The following PRPSAP1 variants were observed in gnomAD, a reference collection of about 807,000 sequenced individuals.
The protein encoded by PRPSAP1 is phosphoribosyl pyrophosphate synthetase associated protein 1, also known as phosphoribosyl pyrophosphate synthase-associated protein 1.
PRPSAP1 carries 31 observed loss-of-function variants against 39.4 expected under a neutral mutation model. That is an observed-to-expected ratio of 0.79 (90% CI 0.59 to 1.06). PRPSAP1 has a LOEUF of 1.06. PRPSAP1 is among the 50% of genes least tolerant of loss of function. PRPSAP1 has a pLI of 0.00. For synonymous variants in PRPSAP1, 212 were observed against 192.6 expected, an observed-to-expected ratio of 1.10 and a Z score of -0.83; for missense variants, 430 against 511.6, an observed-to-expected ratio of 0.84 and a Z score of 1.54.
intron 3 of PRPSAP1, among the ~76,000 whole-genome samples, chr17:76,342,064 C>T (rs961407864): frequency 2.0e-5 from 3 of 152,124 alleles, no homozygotes; most frequent in African/African-American, 4.8e-5. Flanking sequence ...ATGAGGGCAA[C>T]GCAGCCCCTT....
chr17:76,353,452 G>A (rs949927951), intron 1 of PRPSAP1, 82 bp downstream of exon 1: 2 of 1,323,858 alleles, frequency 1.5e-6, no homozygotes, highest in Admixed American at 3.3e-5. Flanking sequence ...GGTGGGGCGG[G>A]TGGAGGGGAG....
chr17:76,353,709 G>C lies in PRPSAP1; in HGVS notation c.-6C>G. 1 of 1,457,746 alleles carries C rather than the reference G, an allele frequency of 6.9e-7. No homozygotes were observed. The highest frequency in any genetic ancestry group is 9.0e-7 in the Non-Finnish European group (1 of 1,112,726). 90.3% of individuals were successfully genotyped at this position (1,457,746 alleles called of 1,614,324 possible). ...AGCAGCAGCTTCTTGGGCATCGTCC[G>C]GCCCGCGGCGCGGTTACGACCGGCC... On this transcript the variant is annotated 5_prime_UTR_variant, in exon 1 of 10. Coordinates refer to ENST00000446526, the MANE Select transcript of PRPSAP1 (RefSeq NM_002766.3).
intron 7 of PRPSAP1, among the ~76,000 whole-genome samples, chr17:76,323,235 G>A (rs1196226843): frequency 1.6e-5 from 2 of 121,440 alleles, no homozygotes; most frequent in African/African-American, 3.6e-5. Flanking sequence ...CCAGAAACTC[G>A]AGAGAATGAG....
chr17:76,322,268 C>T (rs372963593), intron 7 of PRPSAP1, among the ~76,000 whole-genome samples: 33 of 152,124 alleles, frequency 2.2e-4, no homozygotes, highest in Admixed American at 5.9e-4. Flanking sequence ...TGGTGGTGTA[C>T]GCCTGTAATC....
intron 1 of PRPSAP1, chr17:76,353,005 G>C (rs2071595309): frequency 6.5e-6 from 1 of 153,134 alleles, no homozygotes; most frequent in Admixed American, 6.5e-5. Context: ...TCTACCACCA[G>C]CTCCGGCCCA....
In PRPSAP1 at chr17:76,311,076, GA is replaced by G. The variant is rs1454952504; in HGVS notation, c.*465del. 6.6e-6 allele frequency: 1 copy of G among 152,404 alleles called. No homozygotes were observed. The highest frequency in any genetic ancestry group is 2.4e-5 in the African/African-American group (1 of 41,440). The allele number at this position is 152,404 out of a possible 1,614,324, so 9.4% of individuals were successfully genotyped here. Reference sequence around the variant, plus strand: ...GCTGTAGGCATAACAATTTCTGAAAGAAAAATACGATTCTCTATAAAAGACT... The same window carrying G: ...GCTGTAGGCATAACAATTTCTGAAAGAAAATACGATTCTCTATAAAAGACT... On this transcript the variant is annotated 3_prime_UTR_variant, in exon 10 of 10. Transcript: ENST00000446526.
chr17:76,327,601 C>A (rs1056341746), intron 7 of PRPSAP1, among the ~76,000 whole-genome samples: 4 of 151,966 alleles, frequency 2.6e-5, no homozygotes, highest in Middle Eastern at 3.2e-3. Context: ...TGCAGTGAGC[C>A]AAGATTGCAC....
chr17:76,335,967 G>T lies in PRPSAP1; in HGVS notation c.291-3532C>A, dbSNP rs556593971. Among the ~76,000 whole-genome samples, 3 of 152,168 alleles carry T rather than the reference G, an allele frequency of 2.0e-5. No homozygotes were observed. In the South Asian group the frequency reaches 6.2e-4, roughly 32 times the overall value. ...ACTGCACTCCAACCTGGGCAACAGA[G>T]TGAGACCCCATCTCTCAAAAAACAC... On this transcript the variant is annotated intron_variant, in intron 3 of 9. Coordinates refer to ENST00000446526, the MANE Select transcript of PRPSAP1 (RefSeq NM_002766.3).
chr17:76,315,727 T>C (rs1273999000), intron 7 of PRPSAP1, among the ~76,000 whole-genome samples: 5 of 126,078 alleles, frequency 4.0e-5, no homozygotes, highest in Non-Finnish European at 8.5e-5. Flanking sequence ...TTTTTTTTTT[T>C]TTCTTGAGAC....
rs1431385814 is a variant in PRPSAP1, at chr17:76,330,941, CAG to C, written c.464-277_464-276del. Among the ~76,000 whole-genome samples, 5 of 151,986 alleles carry C rather than the reference CAG, an allele frequency of 3.3e-5. No homozygotes were observed. In the East Asian group the frequency reaches 7.7e-4, roughly 23 times the overall value. ...GAAAATTGAGAAAAGAATAATGTGGCAGAAGCAAAAATATGAATATGGAATTA... is the reference window on the plus strand; with the variant it reads ...GAAAATTGAGAAAAGAATAATGTGGCAAGCAAAAATATGAATATGGAATTA... On this transcript the variant is annotated intron_variant, in intron 4 of 9. Coordinates refer to ENST00000446526, the MANE Select transcript of PRPSAP1 (RefSeq NM_002766.3).
At chr17:76,350,983 G>C (rs555128057) in intron 1 of PRPSAP1, among the ~76,000 whole-genome samples, 2 of 152,288 alleles carry the variant, frequency 1.3e-5, no homozygotes, top group East Asian at 3.9e-4. Context: ...GGTGAGCCAA[G>C]ATGGCTCTAT....
intron 3 of PRPSAP1, among the ~76,000 whole-genome samples, chr17:76,332,742 G>A (rs951957198): frequency 1.3e-5 from 2 of 152,156 alleles, no homozygotes; most frequent in African/African-American, 4.8e-5. Flanking sequence ...CTGGTGACCA[G>A]AGTTACCCAA....
intron 2 of PRPSAP1, among the ~76,000 whole-genome samples, chr17:76,347,184 A>T (rs1871918076): frequency 6.6e-6 from 1 of 150,572 alleles, no homozygotes; most frequent in South Asian, 2.1e-4. Flanking sequence ...CAGTTAGTCC[A>T]CTTAGAAAGC....
intron 1 of PRPSAP1, among the ~76,000 whole-genome samples, chr17:76,352,701 G>A (rs2071591610): frequency 6.7e-6 from 1 of 148,464 alleles, no homozygotes; most frequent in South Asian, 2.2e-4. Flanking sequence ...AGGCCACTTA[G>A]TAAACAACTA....
In PRPSAP1 at chr17:76,353,473, C is replaced by T. The variant is rs1294490262; in HGVS notation, c.170+61G>A. ...GCGGGTGGAGGGGAGCGGGTCCCTC[C>T]GGGCGCGAAGGAGAGCTAGGCGCCG... On this transcript the variant is annotated intron_variant, in intron 1 of 9. Coordinates refer to ENST00000446526, the MANE Select transcript of PRPSAP1 (RefSeq NM_002766.3). 2.6e-5 allele frequency: 37 copies of T among 1,417,280 alleles called. No homozygotes were observed. The South Asian group carries it at 4.3e-4, about 17-fold the overall frequency. The allele number at this position is 1,417,280 out of a possible 1,614,324, so 87.8% of individuals were successfully genotyped here.
At chr17:76,351,472 G>A (rs554937020) in intron 1 of PRPSAP1, among the ~76,000 whole-genome samples, 8 of 151,822 alleles carry the variant, frequency 5.3e-5, no homozygotes, top group African/African-American at 1.9e-4. Context: ...CCGAGATCGC[G>A]CCACTGCACT....
rs966310703 is a variant in PRPSAP1 at position 76,310,928 on chromosome 17, A to G, written c.*614T>C. ...TCTTCTGCTGTCTAATGAAAAGACT[A>G]GCAAGACAACAAATTATTTTATTTG... On this transcript the variant is annotated 3_prime_UTR_variant, in exon 10 of 10. Transcript: ENST00000446526. 3 of 152,212 alleles carry G rather than the reference A, an allele frequency of 2.0e-5. No individual in the cohort carries two copies. Among genetic ancestry groups the G allele is most frequent in the Non-Finnish European group, 4.4e-5 (3 of 68,052 alleles). The allele number at this position is 152,212 out of a possible 1,614,324, so 9.4% of individuals were successfully genotyped here.
chr17:76,330,094 G>T lies in PRPSAP1; in HGVS notation c.584C>A (p.Pro195Gln). Residue 195 changes from proline to glutamine, a missense_variant, in exon 6 of 10, where the codon CCA becomes CAA. By Grantham distance (76) the Pro-to-Gln change is moderately conservative. Around this residue, in one of 2 missense-constraint regions of PRPSAP1, gnomAD observed 278 missense variants for 376.3 expected, o/e 0.74. Transcript: ENST00000446526. Reference protein sequence around the residue: ...FLLQYIQEEIPNYRNAVIVAK... With the variant: ...FLLQYIQEEIQNYRNAVIVAK... ...TACAATGACTGCATTTCTGTAATTT[G>T]GAATCTAGATTTGAAGGAAAAATAG... The T allele has an allele frequency of 1.2e-6, 2 of 1,612,452 alleles. No individual in the cohort carries two copies. The highest frequency in any genetic ancestry group is 1.7e-6 in the Non-Finnish European group (2 of 1,178,632).
At chr17:76,320,732 T>C (rs1041491065) in intron 7 of PRPSAP1, among the ~76,000 whole-genome samples, 4 of 151,222 alleles carry the variant, frequency 2.6e-5, no homozygotes, top group African/African-American at 7.3e-5. Flanking sequence ...TTTTTACAGA[T>C]TGAAGTTTGT....
Sources: gnomAD v4.1 joint callset for allele counts (sites outside exome capture counted in the v4.1 genomes callset) on GRCh38, gnomAD v4.1.1 for gene constraint, gnomAD v4.1.1 regional missense constraint, MANE v1.5 for transcripts, NCBI Gene and HGNC (gene_info 2026-07-23, HGNC 2026-07-21) for gene names.